NHSL1: variants seen among roughly 807,000 people sequenced by gnomAD.
The protein encoded by NHSL1 is NHS-like protein 1.
In NHSL1, 48 loss-of-function variants were observed where a neutral mutation model predicts 95.0. The ratio of observed to expected loss-of-function variants is 0.51; its 90% confidence interval spans 0.40 to 0.64. NHSL1 has a LOEUF of 0.64. NHSL1 is among the 30% of genes least tolerant of loss of function. NHSL1 has a pLI of 0.00. For missense variants in NHSL1, 1,971 were observed against 2,077.7 expected (o/e 0.95, Z 1.00); for synonymous variants, 783 against 833.9 (o/e 0.94, Z 1.05).
chr6:138,513,648 G>A (rs556200998), intron 1 of NHSL1, among the ~76,000 whole-genome samples: 17 of 152,308 alleles, frequency 1.1e-4, no homozygotes, highest in African/African-American at 3.6e-4. Flanking sequence ...GCTGTGTAAA[G>A]AGACAGAGGG....
intron 4 of NHSL1, among the ~76,000 whole-genome samples, chr6:138,446,317 G>A (rs550342566): frequency 4.5e-4 from 69 of 152,052 alleles, no homozygotes; most frequent in Non-Finnish European, 8.4e-4. Flanking sequence ...GATTACAGGT[G>A]TGAGCCACCA....
intron 1 of NHSL1, among the ~76,000 whole-genome samples, chr6:138,670,506 A>G (rs1191015613): frequency 1.3e-5 from 2 of 151,110 alleles, no homozygotes; most frequent in Admixed American, 1.3e-4. Flanking sequence ...CTCTACTAAA[A>G]ATACAAAAAA....
intron 4 of NHSL1, among the ~76,000 whole-genome samples, chr6:138,446,368 G>C (rs113887570): frequency 6.6e-6 from 1 of 152,066 alleles, no homozygotes; most frequent in Admixed American, 6.6e-5. Context: ...GCTCTCCTAA[G>C]TTCATGAAAG....
chr6:138,528,692 A>T (rs1313620992), intron 1 of NHSL1, among the ~76,000 whole-genome samples: 1 of 152,248 alleles, frequency 6.6e-6, no homozygotes, highest in East Asian at 1.9e-4. Context: ...AACTGTTTAA[A>T]TATTTAATAT....
intron 1 of NHSL1, among the ~76,000 whole-genome samples, chr6:138,541,695 TC>T (rs1782587477): frequency 6.6e-6 from 1 of 152,164 alleles, no homozygotes; most frequent in Non-Finnish European, 1.5e-5. Flanking sequence ...TTTTTGTTTT[TC>T]CCCTTCTCAG....
intron 1 of NHSL1, among the ~76,000 whole-genome samples, chr6:138,566,005 C>T (rs1783601266): frequency 1.3e-5 from 2 of 150,164 alleles, no homozygotes; most frequent in South Asian, 4.2e-4. Context: ...ATAGTTAAAC[C>T]AAAACACCCT....
chr6:138,439,470 C>G lies in NHSL1; in HGVS notation c.664+2513G>C, dbSNP rs184594179. On this transcript the variant is annotated intron_variant, in intron 5 of 7. Coordinates refer to ENST00000343505, the MANE Select transcript of NHSL1 (RefSeq NM_001144060.2). ...TAGTTTAAGACTTCCAAACCAGAGT[C>G]CTTATAAGTGTAAAATACTGGGAAA... Among the ~76,000 whole-genome samples, 624 of 152,258 alleles carry G rather than the reference C, an allele frequency of 4.1e-3. 3 individuals are homozygous for G. The highest frequency in any genetic ancestry group is 0.01 in the Middle Eastern group (3 of 294).
intron 1 of NHSL1, among the ~76,000 whole-genome samples, chr6:138,582,902 C>T (rs1311772704): frequency 6.6e-6 from 1 of 152,202 alleles, no homozygotes; most frequent in East Asian, 1.9e-4. Flanking sequence ...TCCTGTATCA[C>T]TTAACTACTG....
chr6:138,633,126 G>C (rs911925042), intron 1 of NHSL1, among the ~76,000 whole-genome samples: 1 of 152,114 alleles, frequency 6.6e-6, no homozygotes, highest in Non-Finnish European at 1.5e-5. Flanking sequence ...GAATTAGTTT[G>C]AAGACAGGCT....
At chr6:138,434,466 C>T (rs1027703104) in intron 5 of NHSL1, among the ~76,000 whole-genome samples, 6 of 149,282 alleles carry the variant, frequency 4.0e-5, no homozygotes, top group South Asian at 2.1e-4. Flanking sequence ...CAGAGAGGGA[C>T]GTGGACGAGG....
chr6:138,638,248 A>AT lies in NHSL1; in HGVS notation c.96+54227dup, dbSNP rs1784913916. Among the ~76,000 whole-genome samples the AT allele has an allele frequency of 2.0e-5, 3 of 152,218 alleles. 1 individual carries two copies. In the South Asian group the frequency reaches 6.2e-4, roughly 31 times the overall value. On this transcript the variant is annotated intron_variant, in intron 1 of 3. Transcript: ENST00000491526. ...GGTGGGTGGGTGATGGTTAATAGGT[A>AT]TAAAAAAATAGAAAGAATAAGACAT... is the stretch of plus-strand genomic sequence containing the variant.
chr6:138,638,008 C>T (rs941492298), intron 1 of NHSL1, among the ~76,000 whole-genome samples: 2 of 152,252 alleles, frequency 1.3e-5, no homozygotes, highest in Admixed American at 1.3e-4. Flanking sequence ...TACTTATACA[C>T]AATGGAGTAC....
intron 1 of NHSL1, among the ~76,000 whole-genome samples, chr6:138,514,483 C>G (rs563344387): frequency 6.6e-6 from 1 of 152,294 alleles, no homozygotes; most frequent in African/African-American, 2.4e-5. Flanking sequence ...TATTCCTACA[C>G]ATACATATCC....
chr6:138,431,859 C>T lies in NHSL1; in HGVS notation c.2486G>A (p.Gly829Asp). Residue 829 changes from glycine (G) to aspartate (D), a missense_variant, in exon 6 of 8, where the codon GGT becomes GAT. Physicochemically the swap from Gly to Asp is moderately conservative, Grantham distance 94. Transcript: ENST00000343505. This position sits in a 1 kb window ranked among gnomAD's most constrained non-coding sequence, Gnocchi z 4.0. Reference sequence around the variant, plus strand: ...CATGATCTTTGGTTTGACTGAACCACCGGGCACTTGGGGCATTGTGGCTCT... The same window carrying T: ...CATGATCTTTGGTTTGACTGAACCATCGGGCACTTGGGGCATTGTGGCTCT... ...GSRATMPQVP[G>D]GSVKPKIMSP... is the part of the protein sequence containing the mutation. 6.4e-7 allele frequency: 1 copy of T among 1,551,738 alleles called. No individual in the cohort carries two copies. The highest frequency in any genetic ancestry group is 8.7e-7 in the Non-Finnish European group (1 of 1,146,992).
chr6:138,548,482 G>C (rs1040739880), upstream of NHSL1, among the ~76,000 whole-genome samples: 1 of 152,146 alleles, frequency 6.6e-6, no homozygotes, highest in South Asian at 2.1e-4. Flanking sequence ...TTATGAGATT[G>C]TTTTGCAATT....
intron 3 of NHSL1, among the ~76,000 whole-genome samples, chr6:138,472,504 C>T (rs757029979): frequency 1.3e-5 from 2 of 152,006 alleles, no homozygotes; most frequent in Non-Finnish European, 2.9e-5. Flanking sequence ...GTTCTCCAAT[C>T]AATAAGGCAT....
At position 138,496,224 on chromosome 6, in the gene NHSL1, A is replaced by C; in HGVS notation, c.206T>G (p.Leu69Arg). Reference sequence around the variant, plus strand: ...CACAGAGGATGCCATCTTACCCCTCAGTACTGATTTGAGGTTGAGCTTGGC... The same window carrying C: ...CACAGAGGATGCCATCTTACCCCTCCGTACTGATTTGAGGTTGAGCTTGGC... ...RQAKLNLKSV[L>R]RECDKLRHDG... The change falls in exon 2 of 8, where the codon CTG (leucine) becomes CGG (arginine). Residue 69 changes from leucine to arginine, a missense_variant. Leu to Arg is a moderately radical substitution (Grantham distance 102). Around this residue, in one of 3 missense-constraint regions of NHSL1, gnomAD observed 1,602 missense variants for 1,654.5 expected, o/e 0.97. Coordinates refer to ENST00000343505, the MANE Select transcript of NHSL1 (RefSeq NM_001144060.2). 1 of 1,551,078 alleles carries C rather than the reference A, an allele frequency of 6.4e-7. No homozygotes were observed. Among genetic ancestry groups the C allele is most frequent in the African/African-American group, 1.4e-5 (1 of 73,134 alleles).
chr6:138,576,344 T>C (rs189493710), upstream of NHSL1, among the ~76,000 whole-genome samples: 1 of 152,326 alleles, frequency 6.6e-6, no homozygotes, highest in East Asian at 1.9e-4. Context: ...ACTTCAGCTA[T>C]AATCTTCAAA....
chr6:138,595,994 GA>G (rs1156703334), intron 1 of NHSL1, among the ~76,000 whole-genome samples: 1 of 151,428 alleles, frequency 6.6e-6, no homozygotes, highest in Non-Finnish European at 1.5e-5. Flanking sequence ...AACCCCAAGA[GA>G]AAAAAAGGCC....
Sources: allele counts gnomAD v4.1 joint callset (sites outside exome capture counted in the v4.1 genomes callset), GRCh38; gene constraint gnomAD v4.1.1; regional missense constraint gnomAD v4.1.1; non-coding constraint Gnocchi (gnomAD v3.1); transcripts MANE v1.5; gene names NCBI Gene and HGNC (gene_info 2026-07-23, HGNC 2026-07-21).